The following IARS2 variants were observed in gnomAD, a reference collection of about 807,000 sequenced individuals.
The protein encoded by IARS2 is isoleucyl-tRNA synthetase 2, mitochondrial.
A neutral mutation model predicts 126.3 loss-of-function variants in IARS2; 56 were observed. The observed-to-expected ratio is 0.44, with a 90% confidence interval of 0.36 to 0.55. The LOEUF is 0.55. Among genes scored for constraint, IARS2 ranks in the 20% least tolerant of loss-of-function variants. The pLI, the probability that IARS2 is intolerant of heterozygous loss-of-function variation, is 0.00. For synonymous variants in IARS2, 407 were observed against 441.1 expected (o/e 0.92, Z 0.97); for missense variants, 1,127 against 1,245.9 (o/e 0.90, Z 1.44).
chr1:220,119,698 G>A (rs1656999345), intron 12 of IARS2, among the ~76,000 whole-genome samples: 1 of 152,030 alleles, frequency 6.6e-6, no homozygotes, highest in Non-Finnish European at 1.5e-5. Context: ...TATATAAGAT[G>A]TCCAATACAG....
intron 15 of IARS2, among the ~76,000 whole-genome samples, 156 bp from the exon 16 acceptor site, chr1:220,136,653 A>C (rs866444943): frequency 6.6e-6 from 1 of 151,164 alleles, no homozygotes; most frequent in African/African-American, 2.4e-5. Context: ...AAAAAAAAAA[A>C]AGAGAAGAAA....
chr1:220,104,347 A>C (rs1656638303), intron 8 of IARS2, among the ~76,000 whole-genome samples: 2 of 152,058 alleles, frequency 1.3e-5, no homozygotes, highest in African/African-American at 2.4e-5. Flanking sequence ...TAATTATGGA[A>C]GTCTAGGGAA....
intron 3 of IARS2, among the ~76,000 whole-genome samples, 179 bp downstream of exon 3, chr1:220,100,828 C>G (rs926992407): frequency 1.3e-5 from 2 of 152,122 alleles, no homozygotes; most frequent in Non-Finnish European, 2.9e-5. Flanking sequence ...TTTGTAAGAA[C>G]TTATGTTTGG....
At chr1:220,106,150 T>A in intron 9 of IARS2, 90 bp downstream of exon 9, 3 of 1,141,844 alleles carry the variant, frequency 2.6e-6, no homozygotes, top group South Asian at 1.6e-5. Flanking sequence ...TTAAAAATGA[T>A]GACTTTTGTC....
At chr1:220,106,528 T>C (rs964998086) in intron 9 of IARS2, among the ~76,000 whole-genome samples, 4 of 152,224 alleles carry the variant, frequency 2.6e-5, no homozygotes, top group Non-Finnish European at 4.4e-5. Flanking sequence ...ATTTTGTTAC[T>C]TTTGTTATTA....
intron 14 of IARS2, among the ~76,000 whole-genome samples, chr1:220,127,513 G>A (rs924953937): frequency 3.4e-4 from 52 of 152,326 alleles, no homozygotes; most frequent in Middle Eastern, 3.4e-3. Context: ...AGGCAACTAA[G>A]TGAAAAGATA....
chr1:220,101,229 C>T (rs536712183), intron 3 of IARS2, among the ~76,000 whole-genome samples: 20 of 152,040 alleles, frequency 1.3e-4, no homozygotes, highest in African/African-American at 4.6e-4. Flanking sequence ...AATTAAGAAA[C>T]AATAAGGAAT....
At chr1:220,102,049 T>A (rs1181891912) in intron 3 of IARS2, 80 bp from the exon 4 acceptor site, 11 of 1,330,290 alleles carry the variant, frequency 8.3e-6, no homozygotes, top group Non-Finnish European at 1.1e-5. Flanking sequence ...GCATTTGCAT[T>A]TAGAGAGATA....
chr1:220,121,673 G>A (rs1156266649), intron 12 of IARS2, among the ~76,000 whole-genome samples: 1 of 151,934 alleles, frequency 6.6e-6, no homozygotes, highest in Non-Finnish European at 1.5e-5. Context: ...TTGAACTCTT[G>A]GGCTCAAGTG....
chr1:220,097,855 A>G (rs534764115), intron 2 of IARS2, among the ~76,000 whole-genome samples: 6 of 152,226 alleles, frequency 3.9e-5, no homozygotes, highest in East Asian at 1.9e-4. Context: ...GAATAATTCC[A>G]TAAAAAACAG....
At chr1:220,105,820 C>T in intron 8 of IARS2, 71 bp from the exon 9 acceptor site, 1 of 1,299,826 alleles carries the variant, frequency 7.7e-7, no homozygotes, top group East Asian at 2.3e-5. Context: ...ACCTGATACT[C>T]TATTGCTAAG....
At chr1:220,135,462 G>A (rs1657352781) in intron 15 of IARS2, among the ~76,000 whole-genome samples, 1 of 152,014 alleles carries the variant, frequency 6.6e-6, no homozygotes, top group Non-Finnish European at 1.5e-5. Flanking sequence ...CCGGGTTCAA[G>A]CGATTCTCCT....
rs535667113 is a variant in IARS2, at chr1:220,095,196, G to A, written c.267+713G>A. Among the ~76,000 whole-genome samples, 164 of 152,178 alleles carry A rather than the reference G, an allele frequency of 1.1e-3. 1 individual carries two copies. Among genetic ancestry groups the A allele is most frequent in the Non-Finnish European group, 1.8e-3 (121 of 68,000 alleles). On this transcript the variant is annotated intron_variant, in intron 1 of 22. Transcript: ENST00000366922. ...TGGGATTACAGGTGCGCACCACCAC[G>A]CCCGGCTAATTTTTATATTTTTAGT...
At chr1:220,113,352 GTGGGAGGGGA>G (rs1656849622) in intron 11 of IARS2, among the ~76,000 whole-genome samples, 1 of 152,200 alleles carries the variant, frequency 6.6e-6, no homozygotes, top group Admixed American at 6.5e-5. Context: ...AGAGAGCTTT[GTGGGAGGGGA>G]CTTCTGGTAG....
At chr1:220,094,973 TAAAA>T (rs138663487) in intron 1 of IARS2, among the ~76,000 whole-genome samples, 7 of 148,900 alleles carry the variant, frequency 4.7e-5, no homozygotes, top group Non-Finnish European at 8.9e-5. Flanking sequence ...CCCCCGTCCT[TAAAA>T]AAAACCTTAA....
intron 10 of IARS2, 150 bp downstream of exon 10, chr1:220,107,301 A>G: frequency 1.6e-6 from 1 of 608,182 alleles, no homozygotes; most frequent in South Asian, 2.1e-5. Flanking sequence ...GGAGTTTGGG[A>G]CTTTTTCATC....
At position 220,094,220 on chromosome 1, in the gene IARS2, C is replaced by A. The variant is rs375685998; in HGVS notation, c.4C>A (p.Arg2Ser). The A allele has an allele frequency of 6.4e-7, 1 of 1,574,290 alleles. No homozygotes were observed. The highest frequency in any genetic ancestry group is 8.6e-7 in the Non-Finnish European group (1 of 1,161,988). ...CGCTCTCAGGGGTTGCCGGACCATG[C>A]GTTGGGGGCTGCGCCCTCGCGGGCC... Reference protein sequence around the residue: MRWGLRPRGPGA... With the variant: MSWGLRPRGPGA... The change falls in exon 1 of 23, where the codon CGT (arginine) becomes AGT (serine). Residue 2 changes from arginine to serine, a missense_variant. By Grantham distance (110) the Arg-to-Ser change is moderately radical (BLOSUM62 -1). Coordinates refer to ENST00000366922, the MANE Select transcript of IARS2 (RefSeq NM_018060.4).
At position 220,125,579 on chromosome 1, in the gene IARS2, A is replaced by G. The variant is rs1055032986; in HGVS notation, c.1743+240A>G. Among the ~76,000 whole-genome samples the G allele has an allele frequency of 3.9e-5, 6 of 152,202 alleles. No homozygotes were observed. The South Asian group carries it at 1.2e-3, about 31-fold the overall frequency. ...AGCACTTTGAAAGGCTGAGGCAGAC[A>G]GATAGCTTGAGTCCATGAGTTTGAG... On this transcript the variant is annotated intron_variant, in intron 13 of 22. Transcript: ENST00000366922.
In IARS2 at chr1:220,143,898, G is replaced by C. The variant is rs536328400; in HGVS notation, c.2751+764G>C. 893 of 773,594 alleles carry C rather than the reference G, an allele frequency of 1.2e-3. 3 individuals carry two copies. Among genetic ancestry groups the C allele is most frequent in the Non-Finnish European group, 1.6e-3 (730 of 462,920 alleles). The allele number at this position is 773,594 out of a possible 1,614,324, so 47.9% of individuals were successfully genotyped here. A position where few individuals can be genotyped will look rare whatever the true frequency, so the allele number is the denominator to read the frequency against. The stretch of plus-strand genomic sequence containing the variant: ...GTCTAAATGCTTAAGAAGAGAATTG[G>C]CAATGAATATAATTTTTTTTCCACG... On this transcript the variant is annotated intron_variant, in intron 21 of 22. Coordinates refer to ENST00000366922, the MANE Select transcript of IARS2 (RefSeq NM_018060.4).
Sources: gnomAD v4.1 joint callset for allele counts (sites outside exome capture counted in the v4.1 genomes callset) on GRCh38, gnomAD v4.1.1 for gene constraint, MANE v1.5 for transcripts, NCBI Gene and HGNC (gene_info 2026-07-23, HGNC 2026-07-21) for gene names.